NTM: variants seen among roughly 807,000 people sequenced by gnomAD.
NTM encodes the protein neurotrimin.
In NTM, 13 loss-of-function variants were observed where a neutral mutation model predicts 42.1. The ratio of observed to expected loss-of-function variants is 0.31; its 90% CI spans 0.20 to 0.49. NTM has a LOEUF of 0.49. Among genes scored for constraint, NTM ranks in the 20% least tolerant of loss-of-function variants. NTM has a pLI of 0.99. For synonymous variants in NTM, 187 were observed against 179.2 expected (o/e 1.04, Z -0.35); for missense variants, 373 against 452.8 (o/e 0.82, Z 1.60).
intron 1 of NTM, among the ~76,000 whole-genome samples, chr11:131,487,590 A>G (rs12417568): frequency 0.27 from 40,571 of 152,124 alleles, 5,689 homozygotes; most frequent in Admixed American, 0.35. Flanking sequence ...AACAATAGAA[A>G]ACAGAATTTT....
intron 1 of NTM, among the ~76,000 whole-genome samples, chr11:131,598,740 T>TTTCTTTCTTTCTTTC (rs1565685446): frequency 1.2e-5 from 1 of 81,956 alleles, no homozygotes. Flanking sequence ...TCTTTCTTTC[T>TTTCTTTCTTTCTTTC]TTCTTTCTTT....
chr11:131,758,266 C>T (rs1053269326), intron 1 of NTM, among the ~76,000 whole-genome samples: 2 of 152,012 alleles, frequency 1.3e-5, no homozygotes, highest in Non-Finnish European at 2.9e-5. Context: ...TCCCCCTCCC[C>T]CCCGCCAACC....
intron 3 of NTM, among the ~76,000 whole-genome samples, chr11:132,198,387 A>G (rs775710985): frequency 6.6e-6 from 1 of 152,030 alleles, no homozygotes; most frequent in Non-Finnish European, 1.5e-5. Context: ...TTTTGGAAAG[A>G]TGGTGGTGTT....
At chr11:131,554,819 C>T (rs911786552) in intron 1 of NTM, among the ~76,000 whole-genome samples, 1 of 152,170 alleles carries the variant, frequency 6.6e-6, no homozygotes, top group Non-Finnish European at 1.5e-5. Flanking sequence ...CTTGGATGCA[C>T]TTTGCTTTGC....
chr11:131,865,455 A>G (rs1325647664), intron 1 of NTM, among the ~76,000 whole-genome samples: 2 of 152,226 alleles, frequency 1.3e-5, no homozygotes, highest in African/African-American at 4.8e-5. Context: ...CAATCACTGT[A>G]TTGTGCTCAC....
At chr11:131,773,247 G>A (rs1192521743) in intron 1 of NTM, among the ~76,000 whole-genome samples, 1 of 152,066 alleles carries the variant, frequency 6.6e-6, no homozygotes, top group Non-Finnish European at 1.5e-5. Flanking sequence ...TGTAAGGGAT[G>A]GTGGGGCAAA....
chr11:131,633,066 C>T (rs1477774486), intron 1 of NTM, among the ~76,000 whole-genome samples: 1 of 152,152 alleles, frequency 6.6e-6, no homozygotes, highest in Non-Finnish European at 1.5e-5. Flanking sequence ...CATTCTAATC[C>T]ACTTTGCCAA....
chr11:132,106,604 A>G (rs186195268), intron 2 of NTM, among the ~76,000 whole-genome samples: 173 of 152,376 alleles, frequency 1.1e-3, no homozygotes, highest in African/African-American at 3.9e-3. Context: ...TGGCATTTGC[A>G]CAGCTTCCTC....
chr11:131,799,473 C>T lies in NTM; in HGVS notation c.83-112091C>T, dbSNP rs148655644. On this transcript the variant is annotated intron_variant, in intron 1 of 8. Coordinates refer to ENST00000683400, the MANE Select transcript of NTM (RefSeq NM_001352005.2). ...TTCTATATCCTCAGGTAATGTGGGG[C>T]CATACGTAGGGTAGGATTCATGAAG... is the stretch of plus-strand genomic sequence containing the variant. 1.1e-4 allele frequency among the ~76,000 whole-genome samples: 17 copies of T among 152,104 alleles called. No homozygotes were observed. The East Asian group carries it at 2.7e-3, about 24-fold the overall frequency.
intron 1 of NTM, among the ~76,000 whole-genome samples, chr11:131,805,543 A>T (rs1565574576): frequency 3.3e-5 from 5 of 152,254 alleles, no homozygotes; most frequent in African/African-American, 9.6e-5. Flanking sequence ...ATTTAAAAAA[A>T]GTTTGCCCTA....
At chr11:132,127,668 C>A (rs2066074240) in intron 2 of NTM, among the ~76,000 whole-genome samples, 1 of 152,214 alleles carries the variant, frequency 6.6e-6, no homozygotes, top group Non-Finnish European at 1.5e-5. Context: ...CAAAGAGGTT[C>A]TTTTCCTTGA....
At chr11:131,739,499 T>C (rs1209518968) in intron 1 of NTM, among the ~76,000 whole-genome samples, 1 of 152,198 alleles carries the variant, frequency 6.6e-6, no homozygotes, top group East Asian at 1.9e-4. Context: ...TTAGCTGCTT[T>C]CTGACCGGAT....
chr11:131,944,633 A>T (rs997811509), intron 2 of NTM, among the ~76,000 whole-genome samples: 3 of 152,216 alleles, frequency 2.0e-5, no homozygotes, highest in Admixed American at 6.5e-5. Context: ...CATGCACTTC[A>T]TCTCCTCCTG....
chr11:131,396,594 C>T (rs1008818795), intron 1 of NTM, among the ~76,000 whole-genome samples: 1 of 152,060 alleles, frequency 6.6e-6, no homozygotes, highest in East Asian at 1.9e-4. Flanking sequence ...TTTGGGAGGC[C>T]GTGGCAGGGC....
chr11:131,397,576 C>G (rs1471143894), intron 1 of NTM, among the ~76,000 whole-genome samples: 4 of 152,152 alleles, frequency 2.6e-5, no homozygotes, highest in Non-Finnish European at 5.9e-5. Context: ...GGCAATACAC[C>G]TTGAATGAAA....
chr11:132,257,584 G>A (rs1420465331), intron 4 of NTM, among the ~76,000 whole-genome samples: 2 of 152,128 alleles, frequency 1.3e-5, no homozygotes, highest in Non-Finnish European at 2.9e-5. Flanking sequence ...CATGACAAGG[G>A]AGCAAAACCA....
At chr11:131,568,094 G>A (rs886318191) in intron 1 of NTM, among the ~76,000 whole-genome samples, 1 of 152,182 alleles carries the variant, frequency 6.6e-6, no homozygotes, top group Non-Finnish European at 1.5e-5. Flanking sequence ...ACAGCCGAAG[G>A]AGGAAAATTC....
intron 2 of NTM, among the ~76,000 whole-genome samples, chr11:132,089,078 G>A (rs541074168): frequency 6.6e-6 from 1 of 152,280 alleles, no homozygotes; most frequent in South Asian, 2.1e-4. Context: ...TTCTGGTGAA[G>A]CTTTCCCAGG....
chr11:131,641,650 G>A (rs2065145139), intron 1 of NTM, among the ~76,000 whole-genome samples: 1 of 152,074 alleles, frequency 6.6e-6, no homozygotes. Context: ...CTAGATAATT[G>A]GCAGTGGCCA....
Sources: gnomAD v4.1 joint callset for allele counts (sites outside exome capture counted in the v4.1 genomes callset) on GRCh38, gnomAD v4.1.1 for gene constraint, MANE v1.5 for transcripts, NCBI Gene and HGNC (gene_info 2026-07-23, HGNC 2026-07-21) for gene names.